The following UGT2B7 variants were observed in gnomAD, a reference collection of about 807,000 sequenced individuals.
The protein encoded by UGT2B7 is UDP glucuronosyltransferase family 2 member B7.
A neutral mutation model predicts 51.9 loss-of-function variants in UGT2B7; 51 were observed. That is an observed-to-expected ratio of 0.98 (90% CI 0.78 to 1.24). The LOEUF (loss-of-function observed/expected upper bound fraction) is 1.24. Ranked by LOEUF, UGT2B7 falls within the 50% of genes most tolerant of loss-of-function variation. UGT2B7 has a pLI of 0.00. For missense variants in UGT2B7, 727 were observed against 628.4 expected, an observed-to-expected ratio of 1.16 and a Z score of -1.68; for synonymous variants, 225 against 211.6, an observed-to-expected ratio of 1.06 and a Z score of -0.55.
chr4:69,093,781 G>A (rs1012065825), upstream of UGT2B7, among the ~76,000 whole-genome samples: 1 of 152,246 alleles, frequency 6.6e-6, no homozygotes, highest in South Asian at 2.1e-4. Context: ...AATTTTCCTT[G>A]GTTCTGTGTT....
At chr4:69,111,169 T>C (rs1323477658) in intron 5 of UGT2B7, among the ~76,000 whole-genome samples, 1 of 151,986 alleles carries the variant, frequency 6.6e-6, no homozygotes, top group East Asian at 1.9e-4. Flanking sequence ...TAAAGTAAAA[T>C]AGAAGGCCAA....
At chr4:69,105,310 T>C (rs926779023) in intron 3 of UGT2B7, among the ~76,000 whole-genome samples, 2 of 152,224 alleles carry the variant, frequency 1.3e-5, no homozygotes, top group Non-Finnish European at 1.5e-5. Flanking sequence ...GTGACCTTTG[T>C]GTATTTGTCA....
intron 1 of UGT2B7, among the ~76,000 whole-genome samples, chr4:69,081,642 C>A (rs904688079): frequency 6.6e-6 from 1 of 152,190 alleles, no homozygotes; most frequent in East Asian, 1.9e-4. Context: ...GGACTTCTCT[C>A]CTTCTGTGAT....
chr4:69,086,490 T>A (rs1224005807), intron 1 of UGT2B7, among the ~76,000 whole-genome samples: 1 of 151,928 alleles, frequency 6.6e-6, no homozygotes, highest in Non-Finnish European at 1.5e-5. Flanking sequence ...CGTGTTAGGT[T>A]TATCTTACCT....
At chr4:69,098,514 A>AC in intron 1 of UGT2B7, 26 bp from the exon 2 acceptor site, 1 of 1,522,530 alleles carries the variant, frequency 6.6e-7, no homozygotes, top group African/African-American at 2.2e-5. Flanking sequence ...TGTGTCATCC[A>AC]CCTTTTTTTT....
chr4:69,112,859 A>T lies in UGT2B7; in HGVS notation c.*123A>T. Reference sequence around the variant, plus strand: ...GACAAAAAAAAAAAAAGAAAAAAAAATCTTTTCAAAATTTACTTTGTCAAA... The same window carrying T: ...GACAAAAAAAAAAAAAGAAAAAAAATTCTTTTCAAAATTTACTTTGTCAAA... On this transcript the variant is annotated 3_prime_UTR_variant, in exon 6 of 6. Coordinates refer to ENST00000305231, the MANE Select transcript of UGT2B7 (RefSeq NM_001074.4). 1 of 1,352,658 alleles carries T rather than the reference A, an allele frequency of 7.4e-7. No homozygotes were observed. The highest frequency in any genetic ancestry group is 9.7e-7 in the Non-Finnish European group (1 of 1,028,854). The allele number at this position is 1,352,658 out of a possible 1,614,324, so 83.8% of individuals were successfully genotyped here.
chr4:69,055,078 G>A (rs1268158119), intron 1 of UGT2B7, among the ~76,000 whole-genome samples: 6 of 88,678 alleles, frequency 6.8e-5, no homozygotes. Context: ...TTTTCTAAGT[G>A]ACAGAAGTAA....
chr4:69,095,656 T>C (rs1366402804), upstream of UGT2B7, among the ~76,000 whole-genome samples: 2 of 152,206 alleles, frequency 1.3e-5, no homozygotes, highest in Non-Finnish European at 1.5e-5. Flanking sequence ...ATGCTGAATG[T>C]ACTACAAGCT....
upstream of UGT2B7, among the ~76,000 whole-genome samples, chr4:69,093,898 G>C (rs189415725): frequency 7.8e-4 from 118 of 152,132 alleles, no homozygotes; most frequent in African/African-American, 2.6e-3. Flanking sequence ...CAGTTGAAGG[G>C]GCTGTATTTA....
rs150325642 is a variant in UGT2B7 at position 69,082,815 on chromosome 4, A to C, written c.-158-6657A>C. Among the ~76,000 whole-genome samples the C allele has an allele frequency of 5.9e-3, 900 of 152,268 alleles. 9 individuals are homozygous for C. The highest frequency in any genetic ancestry group is 0.021 in the African/African-American group (860 of 41,570). On this transcript the variant is annotated intron_variant, in intron 1 of 5. Transcript: ENST00000502942. ...TAAACAACAGAATTTGAATGTTGAC[A>C]AAACGGTCCTTTATTGAAAAAATAT...
At chr4:69,108,409 G>C in intron 5 of UGT2B7, 87 bp downstream of exon 5, 6 of 1,420,544 alleles carry the variant, frequency 4.2e-6, no homozygotes, top group Non-Finnish European at 5.7e-6. Context: ...CTTTTTATAA[G>C]AGACTAATTT....
intron 1 of UGT2B7, among the ~76,000 whole-genome samples, chr4:69,062,519 A>G (rs746779895): frequency 5.3e-5 from 8 of 152,158 alleles, no homozygotes; most frequent in Non-Finnish European, 8.8e-5. Flanking sequence ...CCATATTGTG[A>G]TCTTGTCCAC....
intron 1 of UGT2B7, among the ~76,000 whole-genome samples, chr4:69,063,336 A>G (rs894827914): frequency 1.3e-5 from 2 of 150,930 alleles, no homozygotes; most frequent in Non-Finnish European, 3.0e-5. Flanking sequence ...AAAAAAAAAA[A>G]AAAGAAACAC....
chr4:69,052,668 GA>G (rs1039365590), intron 1 of UGT2B7, among the ~76,000 whole-genome samples: 5 of 66,236 alleles, frequency 7.5e-5, no homozygotes, highest in African/African-American at 2.8e-4. Context: ...GTTGTTTCAA[GA>G]AAAAAATGTT....
intron 1 of UGT2B7, among the ~76,000 whole-genome samples, chr4:69,062,256 T>C (rs7662632): frequency 0.43 from 65,516 of 151,846 alleles, 15,644 homozygotes; most frequent in African/African-American, 0.64. Flanking sequence ...ACTGGGTATT[T>C]GCCCAATGAG....
At position 69,104,027 on chromosome 4, in the gene UGT2B7, G is replaced by A. The variant is rs552786575; in HGVS notation, c.1002+1089G>A. Among the ~76,000 whole-genome samples, 8 of 152,202 alleles carry A rather than the reference G, an allele frequency of 5.3e-5. No individual in the cohort carries two copies. The South Asian group carries it at 6.2e-4, about 12-fold the overall frequency. ...CTATAGGCCAGGCACGGTAGCTCAC[G>A]CCTGTAATCCCAGTATTTTCGGAGG... On this transcript the variant is annotated intron_variant, in intron 3 of 5. Coordinates refer to ENST00000305231, the MANE Select transcript of UGT2B7 (RefSeq NM_001074.4).
At chr4:69,086,089 T>G (rs1718949111) in intron 1 of UGT2B7, among the ~76,000 whole-genome samples, 1 of 151,810 alleles carries the variant, frequency 6.6e-6, no homozygotes, top group Admixed American at 6.6e-5. Context: ...TACTATAGGT[T>G]GTTTATTTAA....
chr4:69,102,649 C>CA (rs1719455945), intron 2 of UGT2B7, among the ~76,000 whole-genome samples, 158 bp from the exon 3 acceptor site: 1 of 151,984 alleles, frequency 6.6e-6, no homozygotes, highest in East Asian at 1.9e-4. Flanking sequence ...CATCTACTTG[C>CA]AAAAAAACTG....
chr4:69,053,253 A>G (rs1718087453), intron 1 of UGT2B7, among the ~76,000 whole-genome samples: 2 of 152,240 alleles, frequency 1.3e-5, no homozygotes, highest in African/African-American at 4.8e-5. Context: ...ATCATACAAG[A>G]AGCATTATTA....
Sources: gnomAD v4.1 joint callset for allele counts (sites outside exome capture counted in the v4.1 genomes callset) on GRCh38, gnomAD v4.1.1 for gene constraint, MANE v1.5 for transcripts, NCBI Gene and HGNC (gene_info 2026-07-23, HGNC 2026-07-21) for gene names.